SLC24A2: variants seen among roughly 807,000 people sequenced by gnomAD.
The protein encoded by SLC24A2 is solute carrier family 24 member 2.
A neutral mutation model predicts 62.0 loss-of-function variants in SLC24A2; 36 were observed. That is an observed-to-expected ratio of 0.58 (90% CI 0.44 to 0.77). The LOEUF (loss-of-function observed/expected upper bound fraction) is 0.77. Among genes scored for constraint, SLC24A2 ranks in the 30% least tolerant of loss-of-function variants. The pLI is 0.00. For synonymous variants in SLC24A2, 358 were observed against 294.0 expected (o/e 1.22, Z -2.23); for missense variants, 846 against 817.9 (o/e 1.03, Z -0.42).
chr9:20,162,255 G>T, the SLC24A2 span, among the ~76,000 whole-genome samples: 1 of 150,658 alleles, frequency 6.6e-6, no homozygotes, highest in Admixed American at 6.6e-5. Context: ...AACAAAATAG[G>T]CTTCATCTAC....
the SLC24A2 span, among the ~76,000 whole-genome samples, chr9:19,876,027 C>A: frequency 6.6e-6 from 1 of 152,114 alleles, no homozygotes; most frequent in African/African-American, 2.4e-5. Context: ...CCAAAAATAT[C>A]CTCTATCTAA....
At chr9:20,242,571 G>A in the SLC24A2 span, among the ~76,000 whole-genome samples, 1 of 152,186 alleles carries the variant, frequency 6.6e-6, no homozygotes, top group African/African-American at 2.4e-5. Context: ...TGCAGGGAAG[G>A]GCAGGGAGCC....
chr9:20,115,610 T>C, the SLC24A2 span, among the ~76,000 whole-genome samples: 1 of 152,184 alleles, frequency 6.6e-6, no homozygotes, highest in Non-Finnish European at 1.5e-5. Flanking sequence ...ACTTGATTTC[T>C]TAAGATATGA....
At chr9:19,833,557 G>T in the SLC24A2 span, among the ~76,000 whole-genome samples, 4 of 152,234 alleles carry the variant, frequency 2.6e-5, no homozygotes, top group African/African-American at 9.6e-5. Context: ...GCAGGCTTGA[G>T]GAGGTAAACA....
chr9:19,817,353 T>C, the SLC24A2 span, among the ~76,000 whole-genome samples: 1 of 152,006 alleles, frequency 6.6e-6, no homozygotes, highest in Admixed American at 6.6e-5. Flanking sequence ...AAAGATAGTA[T>C]AACATCAGAA....
chr9:19,786,078 C>A lies in SLC24A2; in HGVS notation c.789G>T (p.Trp263Cys). The A allele has an allele frequency of 6.2e-7, 1 of 1,614,202 alleles. No homozygotes were observed. The highest frequency in any genetic ancestry group is 8.5e-7 in the Non-Finnish European group (1 of 1,180,040). Residue 263 changes from tryptophan (W) to cysteine (C), a missense_variant, in exon 2 of 11, where the codon TGG (tryptophan) becomes TGT (cysteine). By Grantham distance (215) the Trp-to-Cys change is radical. Transcript: ENST00000341998. This position sits in a 1 kb window ranked among gnomAD's most constrained non-coding sequence, Gnocchi z 5.0. ...IIFFLDNVIM[W>C]WESLLLLTAY... ...CTGTTAAGAGAAGCAAGCTTTCCCA[C>A]CACATGATGACATTATCCAGGAAAA...
chr9:19,690,947 G>C (rs1423687283), intron 2 of SLC24A2, among the ~76,000 whole-genome samples: 2 of 152,030 alleles, frequency 1.3e-5, no homozygotes, highest in East Asian at 1.9e-4. Context: ...CAGAGAGAGA[G>C]ACAGAGAGAG....
At chr9:19,563,850 CTCCCTCCCTCCCTCCT>C (rs1835538488) in intron 7 of SLC24A2, among the ~76,000 whole-genome samples, 1 of 108,988 alleles carries the variant, frequency 9.2e-6, no homozygotes, top group Non-Finnish European at 1.9e-5. Context: ...CCCTCCCTCC[CTCCCTCCCTCCCTCCT>C]TTCCTTTCGA....
rs1052554718 is a variant in SLC24A2 at position 19,599,583 on chromosome 9, G to T, written c.1079-2304C>A. Among the ~76,000 whole-genome samples the T allele has an allele frequency of 2.0e-5, 3 of 152,202 alleles. No individual in the cohort carries two copies. Among genetic ancestry groups the T allele is most frequent in the Admixed American group, 2.0e-4 (3 of 15,288 alleles). On this transcript the variant is annotated intron_variant, in intron 4 of 10. Transcript: ENST00000341998. This position sits in a 1 kb window ranked among gnomAD's most constrained non-coding sequence, Gnocchi z 4.5. The stretch of plus-strand genomic sequence containing the variant: ...CGGTCTTTAGCACTAACAGCAACAG[G>T]ATGGTGAGATGGTGAACTCAGCAGC...
chr9:19,937,734 A>C, the SLC24A2 span, among the ~76,000 whole-genome samples: 39 of 152,332 alleles, frequency 2.6e-4, no homozygotes, highest in East Asian at 7.5e-3. Flanking sequence ...TGCTATTATG[A>C]ACACAACTAT....
chr9:19,698,074 T>C (rs1334285722), intron 2 of SLC24A2, among the ~76,000 whole-genome samples: 1 of 152,184 alleles, frequency 6.6e-6, no homozygotes, highest in African/African-American at 2.4e-5. Flanking sequence ...TTAAATGATT[T>C]AAGTTTATTC....
chr9:19,765,126 T>C (rs1261364181), intron 2 of SLC24A2, among the ~76,000 whole-genome samples: 1 of 152,210 alleles, frequency 6.6e-6, no homozygotes, highest in East Asian at 1.9e-4. Context: ...CTCCTGCTTT[T>C]TTTTTTGCTT....
the SLC24A2 span, among the ~76,000 whole-genome samples, chr9:20,253,464 T>C: frequency 6.6e-6 from 1 of 152,180 alleles, no homozygotes; most frequent in African/African-American, 2.4e-5. Context: ...GTGTAACAGG[T>C]AGATAAAAGG....
At chr9:20,048,445 C>T in the SLC24A2 span, among the ~76,000 whole-genome samples, 2 of 152,158 alleles carry the variant, frequency 1.3e-5, no homozygotes, top group African/African-American at 2.4e-5. Context: ...CACTTTTCTA[C>T]ATTGGTCTAG....
intron 6 of SLC24A2, among the ~76,000 whole-genome samples, chr9:19,576,009 T>G (rs1400425066): frequency 6.6e-6 from 1 of 152,228 alleles, no homozygotes; most frequent in Non-Finnish European, 1.5e-5. Flanking sequence ...AGGAAGTAAC[T>G]ATTGTTAACA....
At chr9:20,300,449 G>C in the SLC24A2 span, among the ~76,000 whole-genome samples, 1 of 152,166 alleles carries the variant, frequency 6.6e-6, no homozygotes, top group African/African-American at 2.4e-5. Context: ...ACCTCTAACA[G>C]TGCCTGGTAT....
At chr9:19,939,396 A>G in the SLC24A2 span, among the ~76,000 whole-genome samples, 1 of 152,252 alleles carries the variant, frequency 6.6e-6, no homozygotes, top group Non-Finnish European at 1.5e-5. Context: ...GGAATACTGT[A>G]GGCAATTGTA....
At position 19,555,770 on chromosome 9, in the gene SLC24A2, C is replaced by T. The variant is rs148200425; in HGVS notation, c.1348-5502G>A. ...GACCAGCTTGGCCAACATGGTGAAA[C>T]CCCATCTCTACTAAAAATACAAAAA... On this transcript the variant is annotated intron_variant, in intron 7 of 10. Transcript: ENST00000341998. Among the ~76,000 whole-genome samples, 480 of 152,144 alleles carry T rather than the reference C, an allele frequency of 3.2e-3. 6 individuals are homozygous for T. Among genetic ancestry groups the T allele is most frequent in the African/African-American group, 0.011 (470 of 41,488 alleles).
the SLC24A2 span, among the ~76,000 whole-genome samples, chr9:19,925,702 A>G: frequency 1.2e-3 from 185 of 152,326 alleles, no homozygotes; most frequent in Admixed American, 2.4e-3. Context: ...AGGTTCCCTG[A>G]CTAGGGAGTG....
Sources: gnomAD v4.1 joint callset for allele counts (sites outside exome capture counted in the v4.1 genomes callset) on GRCh38, gnomAD v4.1.1 for gene constraint, Gnocchi (gnomAD v3.1) non-coding constraint, MANE v1.5 for transcripts, NCBI Gene and HGNC (gene_info 2026-07-23, HGNC 2026-07-21) for gene names.